The following PDS5B variants were observed in gnomAD, a reference collection of about 807,000 sequenced individuals.
PDS5B encodes the protein sister chromatid cohesion protein PDS5 homolog B.
In PDS5B, 51 loss-of-function variants were observed where a neutral mutation model predicts 184.1. That is an observed-to-expected ratio of 0.28 (90% CI 0.22 to 0.35). The LOEUF (loss-of-function observed/expected upper bound fraction) is 0.35. PDS5B is among the 10% of genes least tolerant of loss of function. PDS5B has a pLI of 1.00. For missense variants in PDS5B, 1,180 were observed against 1,723.3 expected (o/e 0.68, Z 5.58); for synonymous variants, 566 against 569.2 (o/e 0.99, Z 0.08).
At chr13:32,648,086 T>C (rs1419695349) in intron 1 of PDS5B, among the ~76,000 whole-genome samples, 1 of 152,198 alleles carries the variant, frequency 6.6e-6, no homozygotes, top group Non-Finnish European at 1.5e-5. Flanking sequence ...TCCTTCCCTG[T>C]ATTCATGTTG....
At chr13:32,653,986 A>G (rs1203684552) in intron 3 of PDS5B, among the ~76,000 whole-genome samples, 1 of 152,214 alleles carries the variant, frequency 6.6e-6, no homozygotes, top group Non-Finnish European at 1.5e-5. Flanking sequence ...ATAGCTACAT[A>G]TCTGTTCTGT....
chr13:32,721,348 G>A lies in PDS5B; in HGVS notation c.2124-10753G>A, dbSNP rs544985338. On this transcript the variant is annotated intron_variant, in intron 19 of 34. Coordinates refer to ENST00000315596, the MANE Select transcript of PDS5B (RefSeq NM_015032.4). Reference sequence around the variant, plus strand: ...CAGACGGGGCGGCTGCCGGGCGAGGGCTCCCCCCACCTCCCAGACGGGGTG... The same window carrying A: ...CAGACGGGGCGGCTGCCGGGCGAGGACTCCCCCCACCTCCCAGACGGGGTG... 3.3e-5 allele frequency among the ~76,000 whole-genome samples: 5 copies of A among 151,038 alleles called. 1 individual carries two copies. In the East Asian group the frequency reaches 9.9e-4, roughly 30 times the overall value.
chr13:32,740,148 A>G (rs927884890), intron 21 of PDS5B, among the ~76,000 whole-genome samples: 3 of 152,100 alleles, frequency 2.0e-5, no homozygotes, highest in African/African-American at 7.2e-5. Flanking sequence ...TTTTTTGGAT[A>G]TTAGAATTCT....
Position 32,623,232 on chromosome 13 carries a change from T to C in PDS5B, c.-19-25522T>C, listed in dbSNP as rs549651357. On this transcript the variant is annotated intron_variant, in intron 1 of 34. Transcript: ENST00000315596. ...TCTCAAACACTAGTTTTAGGTTTCATAGTAGTGATGTTATCTATAAGAGCA... is the reference window on the plus strand; with the variant it reads ...TCTCAAACACTAGTTTTAGGTTTCACAGTAGTGATGTTATCTATAAGAGCA... Among the ~76,000 whole-genome samples the C allele has an allele frequency of 4.6e-5, 7 of 152,308 alleles. No homozygotes were observed. The South Asian group carries it at 1.5e-3, about 32-fold the overall frequency.
At chr13:32,755,794 G>C in intron 25 of PDS5B, 48 bp from the exon 26 acceptor site, 2 of 924,262 alleles carry the variant, frequency 2.2e-6, no homozygotes, top group Non-Finnish European at 3.3e-6. Context: ...TTTGTTTTTT[G>C]CTTTTTCTTT....
At chr13:32,691,932 A>G (rs1459754839) in intron 13 of PDS5B, among the ~76,000 whole-genome samples, 1 of 151,938 alleles carries the variant, frequency 6.6e-6, no homozygotes, top group Non-Finnish European at 1.5e-5. Context: ...GGTAATATTG[A>G]TCTTTTATAG....
intron 15 of PDS5B, 70 bp downstream of exon 15, chr13:32,696,972 C>T (rs1566340877): frequency 2.0e-6 from 2 of 978,890 alleles, no homozygotes; most frequent in African/African-American, 3.4e-5. Flanking sequence ...TTAAGTGTTT[C>T]ATGCAGTTTT....
chr13:32,702,642 C>T (rs1951895066), intron 17 of PDS5B, among the ~76,000 whole-genome samples: 1 of 152,020 alleles, frequency 6.6e-6, no homozygotes, highest in Non-Finnish European at 1.5e-5. Flanking sequence ...ATAGAAGTGC[C>T]ATTCTTGCCA....
chr13:32,750,204 C>T (rs1309470496), intron 24 of PDS5B, among the ~76,000 whole-genome samples: 1 of 152,130 alleles, frequency 6.6e-6, no homozygotes, highest in East Asian at 1.9e-4. Context: ...TGAAAACCTG[C>T]TACTTGTGTG....
chr13:32,727,206 A>T (rs2140940216), intron 19 of PDS5B, among the ~76,000 whole-genome samples: 1 of 152,288 alleles, frequency 6.6e-6, no homozygotes, highest in South Asian at 2.1e-4. Flanking sequence ...CAATAAAATT[A>T]TACTAATGTG....
At chr13:32,600,806 G>T (rs920556738) in intron 1 of PDS5B, among the ~76,000 whole-genome samples, 6 of 152,212 alleles carry the variant, frequency 3.9e-5, no homozygotes, top group Admixed American at 2.6e-4. Context: ...TAAAGCTCAT[G>T]TGTTCTCCGC....
chr13:32,620,252 A>G (rs1296628952), intron 1 of PDS5B, among the ~76,000 whole-genome samples: 1 of 152,204 alleles, frequency 6.6e-6, no homozygotes, highest in Non-Finnish European at 1.5e-5. Flanking sequence ...GAGTTTCTGT[A>G]TAGACAGTAC....
chr13:32,635,670 C>T (rs772863527), intron 1 of PDS5B, among the ~76,000 whole-genome samples: 1 of 150,278 alleles, frequency 6.7e-6, no homozygotes, highest in Non-Finnish European at 1.5e-5. Context: ...CCATTGTAGT[C>T]GCCTAATTAA....
chr13:32,591,389 T>C (rs1047336091), intron 1 of PDS5B, among the ~76,000 whole-genome samples: 68 of 152,172 alleles, frequency 4.5e-4, no homozygotes, highest in Non-Finnish European at 7.9e-4. Context: ...AGTGCTGAGA[T>C]TACAGGCATG....
chr13:32,737,795 C>G (rs1303016031), intron 21 of PDS5B, among the ~76,000 whole-genome samples: 1 of 152,104 alleles, frequency 6.6e-6, no homozygotes, highest in African/African-American at 2.4e-5. Context: ...ATACAATGAA[C>G]ACCTATGAAC....
chr13:32,689,956 A>G (rs1199829000), intron 13 of PDS5B: 1 of 152,156 alleles, frequency 6.6e-6, no homozygotes, highest in African/African-American at 2.4e-5. Context: ...ATTCAAGAGT[A>G]AAAATGAAAT....
chr13:32,603,553 G>T (rs1487905934), intron 1 of PDS5B, among the ~76,000 whole-genome samples: 2 of 152,100 alleles, frequency 1.3e-5, no homozygotes. Flanking sequence ...TTGTTCTTTT[G>T]GCGTAGGATT....
intron 6 of PDS5B, among the ~76,000 whole-genome samples, 189 bp from the exon 7 acceptor site, chr13:32,667,575 G>A (rs929128924): frequency 1.3e-5 from 2 of 152,042 alleles, no homozygotes; most frequent in African/African-American, 2.4e-5. Flanking sequence ...TTATCCTTAC[G>A]TGGATGGAAT....
intron 21 of PDS5B, among the ~76,000 whole-genome samples, chr13:32,735,918 A>G (rs1163460682): frequency 6.6e-6 from 1 of 152,060 alleles, no homozygotes; most frequent in Non-Finnish European, 1.5e-5. Flanking sequence ...TTTTGTTTTC[A>G]GTTTGTCCTG....
Sources: allele counts gnomAD v4.1 joint callset (sites outside exome capture counted in the v4.1 genomes callset), GRCh38; gene constraint gnomAD v4.1.1; transcripts MANE v1.5; gene names NCBI Gene and HGNC (gene_info 2026-07-23, HGNC 2026-07-21).